Variants in TMEM178A observed in about 807,000 individuals in gnomAD.
TMEM178A encodes transmembrane protein 178.
TMEM178A carries 12 observed loss-of-function variants against 29.1 expected under a neutral mutation model. The observed-to-expected ratio is 0.41, with a 90% CI of 0.26 to 0.67. The LOEUF (loss-of-function observed/expected upper bound fraction) is 0.67. Among genes scored for constraint, TMEM178A ranks in the 30% least tolerant of loss-of-function variants. TMEM178A has a pLI of 0.29. For synonymous variants in TMEM178A, 210 were observed against 187.2 expected, an observed-to-expected ratio of 1.12 and a Z score of -0.99; for missense variants, 366 against 419.1, an observed-to-expected ratio of 0.87 and a Z score of 1.11.
chr2:39,702,266 A>G (rs991551006), intron 1 of TMEM178A, among the ~76,000 whole-genome samples: 2 of 152,120 alleles, frequency 1.3e-5, no homozygotes, highest in African/African-American at 4.8e-5. Context: ...TCTTTGTCAT[A>G]GGAGGCCCCT....
chr2:39,727,274 T>C, the TMEM178A span, among the ~76,000 whole-genome samples: 1 of 152,186 alleles, frequency 6.6e-6, no homozygotes, highest in Non-Finnish European at 1.5e-5. Context: ...GAACCTGACA[T>C]GGAGCAAGTA....
At chr2:39,671,738 T>C (rs1670415609) in intron 1 of TMEM178A, among the ~76,000 whole-genome samples, 1 of 152,180 alleles carries the variant, frequency 6.6e-6, no homozygotes, top group African/African-American at 2.4e-5. Flanking sequence ...AGTTCAACCA[T>C]TTTCATGCCA....
intron 1 of TMEM178A, among the ~76,000 whole-genome samples, chr2:39,684,717 G>T (rs927431798): frequency 6.6e-6 from 1 of 152,094 alleles, no homozygotes; most frequent in African/African-American, 2.4e-5. Flanking sequence ...CTTCTCCCCC[G>T]GTCCCTGTCG....
intron 2 of TMEM178A, among the ~76,000 whole-genome samples, chr2:39,704,964 C>T (rs192742262): frequency 3.9e-5 from 6 of 152,300 alleles, no homozygotes; most frequent in South Asian, 2.1e-4. Flanking sequence ...AATCTCTCTG[C>T]GGATTAAAAG....
chr2:39,692,537 T>C (rs1671361255), intron 1 of TMEM178A, among the ~76,000 whole-genome samples: 1 of 152,182 alleles, frequency 6.6e-6, no homozygotes, highest in Admixed American at 6.5e-5. Flanking sequence ...TGATTGATAG[T>C]TGGCTACTTT....
At chr2:39,691,315 A>C (rs1368918068) in intron 1 of TMEM178A, among the ~76,000 whole-genome samples, 1 of 152,194 alleles carries the variant, frequency 6.6e-6, no homozygotes, top group Non-Finnish European at 1.5e-5. Flanking sequence ...TTTTGAAAGC[A>C]GCAAAAGGGA....
intron 1 of TMEM178A, among the ~76,000 whole-genome samples, chr2:39,667,066 G>A (rs189079853): frequency 7.7e-4 from 118 of 152,278 alleles, no homozygotes; most frequent in Non-Finnish European, 1.3e-3. Context: ...AGGCAGATAG[G>A]ACACCTGCTT....
At position 39,667,528 on chromosome 2, in the gene TMEM178A, A is replaced by G. The variant is rs555291235; in HGVS notation, c.400+1154A>G. On this transcript the variant is annotated intron_variant, in intron 1 of 3. Transcript: ENST00000281961. The stretch of plus-strand genomic sequence containing the variant: ...AAGTCCAAAATCAGTACATTTTAAT[A>G]TTTAGTAGCCATGTAGGAAAACAAA... Among the ~76,000 whole-genome samples the G allele has an allele frequency of 3.9e-5, 6 of 152,174 alleles. No individual in the cohort carries two copies. In the South Asian group the frequency reaches 1.2e-3, roughly 32 times the overall value.
At chr2:39,733,528 A>G in the TMEM178A span, among the ~76,000 whole-genome samples, 1 of 152,222 alleles carries the variant, frequency 6.6e-6, no homozygotes, top group Non-Finnish European at 1.5e-5. Context: ...TGTGTAACTC[A>G]GCATCTCCTT....
intron 1 of TMEM178A, among the ~76,000 whole-genome samples, chr2:39,694,229 C>A (rs1208324549): frequency 6.6e-6 from 1 of 151,454 alleles, no homozygotes; most frequent in African/African-American, 2.4e-5. Context: ...TTCATTTAAT[C>A]CTCCTTTGAG....
Position 39,666,179 on chromosome 2 carries a change from G to A in TMEM178A, c.205G>A (p.Asp69Asn). ...GCCGCTGTCGCACCTGCCGCTGCGG[G>A]ACTCGCCCCCGCTGGGGCGCCGGCT... The part of the protein sequence containing the change: ...LMPLSHLPLR[D>N]SPPLGRRLLP... Residue 69 changes from aspartate to asparagine, a missense_variant, in exon 1 of 4, where the codon GAC (aspartate) becomes AAC (asparagine). This residue lies in a region of TMEM178A where 247 missense variants were observed against 246.8 expected (regional missense o/e 1.00). Transcript: ENST00000281961. 2 of 1,470,114 alleles carry A rather than the reference G, an allele frequency of 1.4e-6. No individual in the cohort carries two copies. The highest frequency in any genetic ancestry group is 9.0e-7 in the Non-Finnish European group (1 of 1,114,870). 91.1% of individuals were successfully genotyped at this position (1,470,114 alleles called of 1,614,324 possible).
At chr2:39,699,079 G>A (rs1270157788) in intron 1 of TMEM178A, among the ~76,000 whole-genome samples, 2 of 148,712 alleles carry the variant, frequency 1.3e-5, no homozygotes, top group African/African-American at 2.5e-5. Flanking sequence ...ATGCTGGAGT[G>A]CAGTGGCACC....
intron 2 of TMEM178A, among the ~76,000 whole-genome samples, chr2:39,704,650 G>A (rs1242528318): frequency 6.6e-6 from 1 of 152,040 alleles, no homozygotes; most frequent in Non-Finnish European, 1.5e-5. Flanking sequence ...TTTCTCAGAG[G>A]GTGTCTACAT....
chr2:39,722,223 G>A (rs990142452), downstream of TMEM178A, among the ~76,000 whole-genome samples: 3 of 151,980 alleles, frequency 2.0e-5, no homozygotes, highest in African/African-American at 7.3e-5. Context: ...ATGGCGGTGG[G>A]GAAACAAGGG....
chr2:39,666,560 C>T (rs1042901349), intron 1 of TMEM178A, among the ~76,000 whole-genome samples, 186 bp downstream of exon 1: 4 of 152,128 alleles, frequency 2.6e-5, no homozygotes, highest in African/African-American at 4.8e-5. Flanking sequence ...CTCCCTTCTT[C>T]TCCCTCTCCT....
At chr2:39,709,211 C>G (rs562891107) in intron 3 of TMEM178A, among the ~76,000 whole-genome samples, 184 of 152,322 alleles carry the variant, frequency 1.2e-3, no homozygotes, top group Non-Finnish European at 1.1e-3. Flanking sequence ...TTCAACCACC[C>G]TGCAGCCTTA....
intron 1 of TMEM178A, among the ~76,000 whole-genome samples, chr2:39,690,266 C>T (rs1671258036): frequency 6.6e-6 from 1 of 152,224 alleles, no homozygotes; most frequent in South Asian, 2.1e-4. Flanking sequence ...CGTGCTCCCT[C>T]AACTGGCTGT....
intron 1 of TMEM178A, among the ~76,000 whole-genome samples, chr2:39,687,748 T>A (rs1219279431): frequency 1.3e-5 from 2 of 152,220 alleles, no homozygotes; most frequent in Non-Finnish European, 2.9e-5. Flanking sequence ...ATGTACAGAT[T>A]GATATGATAA....
At chr2:39,720,093 G>T (rs1434129520), downstream of TMEM178A, among the ~76,000 whole-genome samples, 2 of 152,240 alleles carry the variant, frequency 1.3e-5, no homozygotes, top group African/African-American at 2.4e-5. Flanking sequence ...CAGGGTTAAA[G>T]TTATTCAATT....
Sources: allele counts gnomAD v4.1 joint callset (sites outside exome capture counted in the v4.1 genomes callset), GRCh38; gene constraint gnomAD v4.1.1; regional missense constraint gnomAD v4.1.1; transcripts MANE v1.5; gene names NCBI Gene and HGNC (gene_info 2026-07-23, HGNC 2026-07-21).